CXCL3: variants seen among roughly 807,000 people sequenced by gnomAD.
CXCL3 encodes C-X-C motif chemokine ligand 3.
A neutral mutation model predicts 11.5 loss-of-function variants in CXCL3; 10 were observed. The observed-to-expected ratio is 0.87, with a 90% CI of 0.54 to 1.48. The LOEUF (loss-of-function observed/expected upper bound fraction) is 1.48, where lower values mean the gene tolerates loss of function less well. Ranked by LOEUF, CXCL3 falls within the 40% of genes most tolerant of loss-of-function variation. The probability of loss-of-function intolerance (pLI) is 0.00; values close to 1 mark genes in which losing one functional copy is unlikely to be tolerated. For synonymous variants in CXCL3, 61 were observed against 60.9 expected, an observed-to-expected ratio of 1.00 and a Z score of -0.01; for missense variants, 149 against 139.1, an observed-to-expected ratio of 1.07 and a Z score of -0.36.
At position 74,038,346 on chromosome 4, in the gene CXCL3, G is replaced by A. The variant is rs1167255366; in HGVS notation, c.168C>T (p.Asn56=). The change falls in exon 2 of 4, where the codon AAC becomes AAT. Residue 56 remains asparagine (N), a synonymous_variant. Transcript: ENST00000296026. ...GGGACCTTACATTCACACTTTGGAT[G>A]TTCTTGAGGTGAATTCCCTGCAGTG... ...LQTLQGIHLK[N]IQSVNVRSPG... 4 of 1,614,056 alleles carry A rather than the reference G, an allele frequency of 2.5e-6. No individual in the cohort carries two copies. The African/African-American group carries it at 5.3e-5, about 22-fold the overall frequency.
Position 74,037,252 on chromosome 4 carries a change from T to TTC in CXCL3, c.*8_*9dup. The TTC allele has an allele frequency of 6.2e-7, 1 of 1,614,062 alleles. No individual in the cohort carries two copies. The highest frequency in any genetic ancestry group is 1.3e-5 in the African/African-American group (1 of 75,044). On this transcript the variant is annotated 3_prime_UTR_variant, in exon 4 of 4. Transcript: ENST00000296026. ...AATGATACGCTGATAAGCTTCTTAC[T>TTC]TCTCTCCTGTCAGTTGGTGCTCCCC...
At chr4:74,038,010 C>T (rs1720032978) in intron 3 of CXCL3, 83 bp downstream of exon 3, 1 of 1,400,434 alleles carries the variant, frequency 7.1e-7, no homozygotes, top group East Asian at 2.3e-5. Flanking sequence ...CTTGGGGTTC[C>T]CTGATTTTAT....
chr4:74,037,173 C>G lies in CXCL3; in HGVS notation c.*89G>C. 6.7e-7 allele frequency: 1 copy of G among 1,493,468 alleles called. No homozygotes were observed. Among genetic ancestry groups the G allele is most frequent in the South Asian group, 1.2e-5 (1 of 86,758 alleles). 92.5% of individuals were successfully genotyped at this position (1,493,468 alleles called of 1,614,324 possible). ...CAGCTGTCCCTAGAAAGCTGCTGTT[C>G]TCTTTTTCATTTTCAGCTCTGGTAA... On this transcript the variant is annotated 3_prime_UTR_variant, in exon 4 of 4. Transcript: ENST00000296026.
intron 3 of CXCL3, 51 bp from the exon 4 acceptor site, chr4:74,037,328 C>G (rs1720015830): frequency 6.2e-7 from 1 of 1,612,438 alleles, no homozygotes; most frequent in South Asian, 1.1e-5. Flanking sequence ...GGCTGCTCTT[C>G]TGTCACTCTG....
intron 3 of CXCL3, 171 bp from the exon 4 acceptor site, chr4:74,037,448 C>CTTTT (rs3048371): frequency 1.8e-3 from 572 of 312,522 alleles, no homozygotes; most frequent in South Asian, 3.0e-3. Flanking sequence ...CTCCTGAATG[C>CTTTT]TTTTTTTTTT....
intron 3 of CXCL3, 100 bp downstream of exon 3, chr4:74,037,993 G>T: frequency 8.2e-7 from 1 of 1,226,202 alleles, no homozygotes; most frequent in Non-Finnish European, 1.2e-6. Context: ...TAGTCCTTCA[G>T]CTAACTCTTG....
intron 3 of CXCL3, 84 bp downstream of exon 3, chr4:74,038,009 C>A (rs1161623654): frequency 2.2e-6 from 3 of 1,375,468 alleles, no homozygotes; most frequent in Non-Finnish European, 3.1e-6. Context: ...TCTTGGGGTT[C>A]CCTGATTTTA....
chr4:74,037,602 ACCATTATCTAC>A (rs1470878129), intron 3 of CXCL3: 2 of 345,002 alleles, frequency 5.8e-6, no homozygotes, highest in African/African-American at 4.3e-5. Flanking sequence ...TGAAATAACT[ACCATTATCTAC>A]CCTATTTTGC....
chr4:74,037,439 T>A, intron 3 of CXCL3, 162 bp from the exon 4 acceptor site: 4 of 474,328 alleles, frequency 8.4e-6, no homozygotes, highest in Admixed American at 4.3e-5. Flanking sequence ...AAACTTGCAC[T>A]CCTGAATGCT....
rs200713242 is a variant in CXCL3, at chr4:74,036,632, G to A, written c.*630C>T. ...TTATTATCATGTCATTTGTACAAAT[G>A]TAACAGTAATGATAAATTCTCTTTT... On this transcript the variant is annotated 3_prime_UTR_variant, in exon 4 of 4. Transcript: ENST00000296026. 1.3e-5 allele frequency: 2 copies of A among 152,028 alleles called. No homozygotes were observed. The highest frequency in any genetic ancestry group is 1.5e-5 in the Non-Finnish European group (1 of 68,002). 9.4% of individuals were successfully genotyped at this position (152,028 alleles called of 1,614,324 possible). A position where few individuals can be genotyped will look rare whatever the true frequency, so the allele number is the denominator to read the frequency against.
rs764813946 is a variant in CXCL3 at position 74,038,148 on chromosome 4, A to G, written c.253T>C (p.Cys85Arg). ...ACCATGGGGGATGCGGGGTTGAGAC[A>G]AGCTTTCTTCCCATTCTTGAGTGTG... ...IATLKNGKKACLNPASPMVQK... is the reference protein window; with the variant it reads ...IATLKNGKKARLNPASPMVQK... The change falls in exon 3 of 4, where the codon TGT (cysteine) becomes CGT (arginine). Residue 85 changes from cysteine (C) to arginine (R), a missense_variant. Physicochemically the swap from Cys to Arg is radical, Grantham distance 180. Coordinates refer to ENST00000296026, the MANE Select transcript of CXCL3 (RefSeq NM_002090.3). 2.5e-6 allele frequency: 4 copies of G among 1,613,946 alleles called. No homozygotes were observed. In the South Asian group the frequency reaches 4.4e-5, roughly 18 times the overall value.
chr4:74,037,339 A>T (rs748149336), intron 3 of CXCL3, 62 bp from the exon 4 acceptor site: 21 of 1,608,578 alleles, frequency 1.3e-5, no homozygotes, highest in Non-Finnish European at 1.8e-5. Flanking sequence ...TGTCACTCTG[A>T]AGTTGCTTGG....
chr4:74,037,728 C>A (rs538016622), intron 3 of CXCL3: 2 of 306,442 alleles, frequency 6.5e-6, no homozygotes, highest in Non-Finnish European at 1.2e-5. Flanking sequence ...CTTACAGGCC[C>A]AAAGTGCCCA....
intron 2 of CXCL3, 52 bp from the exon 3 acceptor site, chr4:74,038,228 T>C (rs762713989): frequency 1.2e-6 from 2 of 1,613,606 alleles, no homozygotes; most frequent in South Asian, 1.1e-5. Flanking sequence ...GGGGACAGGG[T>C]TGGGGCAGCG....
Position 74,037,101 on chromosome 4 carries a change from A to G in CXCL3, c.*161T>C. ...CAAGCTTTCAAAAATAAATACATAAATAAGTAGAACCCTCGTAAGAAATAG... is the reference window on the plus strand; with the variant it reads ...CAAGCTTTCAAAAATAAATACATAAGTAAGTAGAACCCTCGTAAGAAATAG... On this transcript the variant is annotated 3_prime_UTR_variant, in exon 4 of 4. Coordinates refer to ENST00000296026, the MANE Select transcript of CXCL3 (RefSeq NM_002090.3). 1 of 647,792 alleles carries G rather than the reference A, an allele frequency of 1.5e-6. No homozygotes were observed. Among genetic ancestry groups the G allele is most frequent in the Non-Finnish European group, 2.6e-6 (1 of 381,632 alleles). The allele number at this position is 647,792 out of a possible 1,614,324, so 40.1% of individuals were successfully genotyped here.
Position 74,038,604 on chromosome 4 carries a change from T to C in CXCL3, c.8A>G (p.His3Arg), listed in dbSNP as rs352043. 968 of 1,477,824 alleles carry C rather than the reference T, an allele frequency of 6.6e-4. 1 individual carries two copies. The highest frequency in any genetic ancestry group is 1.7e-3 in the African/African-American group (117 of 68,212). The allele number at this position is 1,477,824 out of a possible 1,614,324, so 91.5% of individuals were successfully genotyped here. MAHATLSAAPSNP... is the reference protein window; with the variant it reads MARATLSAAPSNP... ...GCTGGGGGCGGCGGAGAGCGTGGCGTGGGCCATGGGGCTCAGCAGACGCGT... is the reference window on the plus strand; with the variant it reads ...GCTGGGGGCGGCGGAGAGCGTGGCGCGGGCCATGGGGCTCAGCAGACGCGT... Residue 3 changes from histidine to arginine, a missense_variant, in exon 1 of 4, where the codon CAC becomes CGC. Physicochemically the swap from His to Arg is conservative, Grantham distance 29. Transcript: ENST00000296026.
chr4:74,038,437 T>C (rs201483717), intron 1 of CXCL3, 24 bp from the exon 2 acceptor site: 201 of 1,604,988 alleles, frequency 1.3e-4, no homozygotes, highest in Non-Finnish European at 1.5e-4. Context: ...GACTCGCTGA[T>C]TGAGCGGGGC....
In CXCL3 at chr4:74,038,370, T is replaced by G. The variant is rs139655860; in HGVS notation, c.144A>C (p.Thr48=). 4.8e-4 allele frequency: 779 copies of G among 1,614,070 alleles called. 2 individuals are homozygous for G. The African/African-American group carries it at 5.9e-3, about 12-fold the overall frequency. The change falls in exon 2 of 4, where the codon ACA becomes ACC. Residue 48 remains threonine (T), a synonymous_variant. Coordinates refer to ENST00000296026, the MANE Select transcript of CXCL3 (RefSeq NM_002090.3). Reference sequence around the variant, plus strand: ...TGTTCTTGAGGTGAATTCCCTGCAGTGTCTGCAAGCACTGGCAGCGCAGTT... The same window carrying G: ...TGTTCTTGAGGTGAATTCCCTGCAGGGTCTGCAAGCACTGGCAGCGCAGTT... ...VTELRCQCLQ[T]LQGIHLKNIQ...
chr4:74,037,200 G>A lies in CXCL3; in HGVS notation c.*62C>T. On this transcript the variant is annotated 3_prime_UTR_variant, in exon 4 of 4. Transcript: ENST00000296026. ...CTTTTTCATTTTCAGCTCTGGTAAGGGCAGGGACCACCCTGCAGGAAGTGT... is the reference window on the plus strand; with the variant it reads ...CTTTTTCATTTTCAGCTCTGGTAAGAGCAGGGACCACCCTGCAGGAAGTGT... The A allele has an allele frequency of 6.3e-7, 1 of 1,592,060 alleles. No individual in the cohort carries two copies. Among genetic ancestry groups the A allele is most frequent in the Non-Finnish European group, 8.6e-7 (1 of 1,160,200 alleles).
Sources: gnomAD v4.1 joint callset for allele counts on GRCh38, gnomAD v4.1.1 for gene constraint, MANE v1.5 for transcripts, NCBI Gene and HGNC (gene_info 2026-07-23, HGNC 2026-07-21) for gene names.